The following SMG6 variants were observed in gnomAD, a reference collection of about 807,000 sequenced individuals.
The protein encoded by SMG6 is SMG6 nonsense mediated mRNA decay factor.
SMG6 carries 66 observed loss-of-function variants against 142.2 expected under a neutral mutation model. The ratio of observed to expected loss-of-function variants is 0.46; its 90% CI spans 0.38 to 0.57. The LOEUF (loss-of-function observed/expected upper bound fraction) is 0.57. Ranked by LOEUF, SMG6 falls within the 20% of genes least tolerant of loss-of-function variation. The probability of loss-of-function intolerance (pLI) is 0.00; values close to 1 mark genes in which losing one functional copy is unlikely to be tolerated. For missense variants in SMG6, 1,793 were observed against 1,832.0 expected (o/e 0.98, Z 0.39); for synonymous variants, 779 against 702.4 (o/e 1.11, Z -1.72).
At chr17:2,273,178 T>C (rs2074575733) in intron 8 of SMG6, among the ~76,000 whole-genome samples, 1 of 152,132 alleles carries the variant, frequency 6.6e-6, no homozygotes, top group African/African-American at 2.4e-5. Context: ...ATTAATAATA[T>C]ATATTAAATA....
At chr17:2,066,652 T>TACACACACACAAAC (rs2067958420) in intron 16 of SMG6, among the ~76,000 whole-genome samples, 1 of 119,490 alleles carries the variant, frequency 8.4e-6, no homozygotes, top group Admixed American at 9.0e-5. Flanking sequence ...CATGTGGGAA[T>TACACACACACAAAC]ACACACACAC....
chr17:2,281,565 T>G (rs1468703148), intron 8 of SMG6, among the ~76,000 whole-genome samples: 1 of 152,174 alleles, frequency 6.6e-6, no homozygotes, highest in East Asian at 1.9e-4. Flanking sequence ...CATATCTCAC[T>G]TGGAACTACC....
intron 13 of SMG6, among the ~76,000 whole-genome samples, chr17:2,132,782 C>T (rs1350785508): frequency 6.6e-6 from 1 of 152,146 alleles, no homozygotes; most frequent in African/African-American, 2.4e-5. Context: ...CAAGAAGGCA[C>T]ATTAAATATA....
intron 8 of SMG6, among the ~76,000 whole-genome samples, chr17:2,253,609 A>G (rs1185233046): frequency 6.6e-6 from 1 of 152,130 alleles, no homozygotes; most frequent in African/African-American, 2.4e-5. Context: ...GTATGGTTTA[A>G]AAGACCCCCC....
chr17:2,127,196 C>T (rs1234140473), intron 13 of SMG6, among the ~76,000 whole-genome samples: 1 of 145,298 alleles, frequency 6.9e-6, no homozygotes, highest in Non-Finnish European at 1.5e-5. Flanking sequence ...ATATGAGATA[C>T]TTACAATAGG....
At chr17:2,251,198 A>G (rs922442812) in intron 8 of SMG6, among the ~76,000 whole-genome samples, 2 of 152,038 alleles carry the variant, frequency 1.3e-5, no homozygotes, top group African/African-American at 4.8e-5. Flanking sequence ...GTAATGCAAT[A>G]ATCATTCAGT....
At chr17:2,265,540 A>G (rs216177) in intron 8 of SMG6, among the ~76,000 whole-genome samples, 111 of 151,958 alleles carry the variant, frequency 7.3e-4, no homozygotes, top group Non-Finnish European at 1.4e-3. Context: ...TTAAAAGGCG[A>G]TAACATTCTC....
At chr17:2,084,502 C>T (rs2068504646) in intron 14 of SMG6, among the ~76,000 whole-genome samples, 1 of 152,178 alleles carries the variant, frequency 6.6e-6, no homozygotes, top group Non-Finnish European at 1.5e-5. Flanking sequence ...TCTAATGAAG[C>T]CAGTCCAAGA....
At chr17:2,279,228 G>A (rs1366403846) in intron 8 of SMG6, among the ~76,000 whole-genome samples, 3 of 152,158 alleles carry the variant, frequency 2.0e-5, no homozygotes, top group East Asian at 1.9e-4. Context: ...AGGTAAGAGC[G>A]GTGCGGGCAG....
intron 8 of SMG6, chr17:2,280,517 C>G: frequency 2.5e-6 from 2 of 788,664 alleles, no homozygotes; most frequent in Non-Finnish European, 3.1e-6. Flanking sequence ...CTCGCCTCGG[C>G]CTCCTAAAGT....
chr17:2,286,815 C>T (rs922905630), intron 6 of SMG6, among the ~76,000 whole-genome samples: 1 of 151,228 alleles, frequency 6.6e-6, no homozygotes, highest in South Asian at 2.1e-4. Flanking sequence ...AATGAAAAGA[C>T]AATCCACAAA....
chr17:2,242,509 G>A (rs567149456), intron 9 of SMG6, among the ~76,000 whole-genome samples: 29 of 150,436 alleles, frequency 1.9e-4, no homozygotes, highest in Non-Finnish European at 3.1e-4. Context: ...CAGCCTGGGC[G>A]ACAGAGCGAG....
chr17:2,214,574 C>A (rs1369723728), intron 10 of SMG6, among the ~76,000 whole-genome samples: 1 of 151,894 alleles, frequency 6.6e-6, no homozygotes, highest in Non-Finnish European at 1.5e-5. Context: ...AGAAGTCTGA[C>A]TAGAAACCGG....
chr17:2,185,059 T>G (rs1361815435), intron 12 of SMG6, among the ~76,000 whole-genome samples: 2 of 146,040 alleles, frequency 1.4e-5, no homozygotes, highest in African/African-American at 5.1e-5. Context: ...TGGGGACACA[T>G]GAATCCCATA....
intron 10 of SMG6, among the ~76,000 whole-genome samples, chr17:2,201,437 T>C (rs946646296): frequency 1.3e-5 from 2 of 152,302 alleles, no homozygotes; most frequent in South Asian, 2.1e-4. Context: ...CTCACACCTG[T>C]AACCCCAGCA....
rs1339429931 is a variant in SMG6 at position 2,236,699 on chromosome 17, TCTCA to T, written c.2724-66_2724-63del. The T allele has an allele frequency of 7.4e-4, 1,086 of 1,460,630 alleles. 7 individuals are homozygous for T. The African/African-American group carries it at 9.2e-3, about 12-fold the overall frequency. The allele number at this position is 1,460,630 out of a possible 1,614,324, so 90.5% of individuals were successfully genotyped here. A position where few individuals can be genotyped will look rare whatever the true frequency, so the allele number is the denominator to read the frequency against. On this transcript the variant is annotated intron_variant, in intron 9 of 18. Coordinates refer to ENST00000263073, the MANE Select transcript of SMG6 (RefSeq NM_017575.5). Reference sequence around the variant, plus strand: ...CTCTTTCAGTCTCTCTCTCACTCTGTCTCACACACACACACACACACACACACAC... The same window carrying T: ...CTCTTTCAGTCTCTCTCTCACTCTGTCACACACACACACACACACACACAC...
At chr17:2,082,614 G>C (rs1292172044) in intron 14 of SMG6, among the ~76,000 whole-genome samples, 1 of 152,208 alleles carries the variant, frequency 6.6e-6, no homozygotes, top group African/African-American at 2.4e-5. Context: ...GCTGGCTTAA[G>C]GAGCCTCCTG....
chr17:2,180,187 C>A (rs1188947332), intron 12 of SMG6, among the ~76,000 whole-genome samples: 2 of 152,156 alleles, frequency 1.3e-5, no homozygotes. Context: ...AGCTGCCTCT[C>A]CCTTCTCACC....
chr17:2,228,316 C>A (rs1239678437), intron 10 of SMG6, among the ~76,000 whole-genome samples: 1 of 152,174 alleles, frequency 6.6e-6, no homozygotes, highest in Non-Finnish European at 1.5e-5. Flanking sequence ...GCAACCTCCA[C>A]TCCCCAGGTT....
Sources: allele counts gnomAD v4.1 joint callset (sites outside exome capture counted in the v4.1 genomes callset), GRCh38; gene constraint gnomAD v4.1.1; transcripts MANE v1.5; gene names NCBI Gene and HGNC (gene_info 2026-07-23, HGNC 2026-07-21).